Variants in ALDH1A2 observed in about 807,000 individuals in gnomAD.
ALDH1A2 encodes the protein aldehyde dehydrogenase 1 family member A2, also known as retinal dehydrogenase 2.
A neutral mutation model predicts 60.3 loss-of-function variants in ALDH1A2; 27 were observed. The observed-to-expected ratio is 0.45, with a 90% CI of 0.33 to 0.62. ALDH1A2 has a LOEUF of 0.62. ALDH1A2 is among the 20% of genes least tolerant of loss of function. ALDH1A2 has a pLI of 0.02. For synonymous variants in ALDH1A2, 289 were observed against 232.4 expected (o/e 1.24, Z -2.21); for missense variants, 581 against 643.8 (o/e 0.90, Z 1.06).
In ALDH1A2 at chr15:57,992,568, C is replaced by T. The variant is rs762902816; in HGVS notation, c.798+137G>A. The T allele has an allele frequency of 1.1e-5, 9 of 801,472 alleles. No individual in the cohort carries two copies. The East Asian group carries it at 2.1e-4, about 19-fold the overall frequency. The allele number at this position is 801,472 out of a possible 1,614,324, so 49.6% of individuals were successfully genotyped here. On this transcript the variant is annotated intron_variant, in intron 7 of 12. Transcript: ENST00000249750. ...TCACATCCACCAGTGTTCTATGACA[C>T]CAATGTTATCCTTTGTGGGCTTGGG... is the stretch of plus-strand genomic sequence containing the variant.
chr15:58,000,655 T>C lies in ALDH1A2; in HGVS notation c.494-5516A>G, dbSNP rs180929236. On this transcript the variant is annotated intron_variant, in intron 4 of 12. Transcript: ENST00000249750. ...TAAAAAAGTTTACTTGCTTACTGTA[T>C]AGAATCATCTTGAATGCTACCAGTG... is the stretch of plus-strand genomic sequence containing the variant. Among the ~76,000 whole-genome samples the C allele has an allele frequency of 3.0e-3, 460 of 152,122 alleles. 1 individual carries two copies. Among genetic ancestry groups the C allele is most frequent in the Non-Finnish European group, 3.7e-3 (251 of 67,932 alleles).
chr15:58,025,391 T>A (rs564859973), intron 1 of ALDH1A2, among the ~76,000 whole-genome samples: 1 of 151,994 alleles, frequency 6.6e-6, no homozygotes, highest in Non-Finnish European at 1.5e-5. Context: ...GAACTACACA[T>A]TGACAAACTG....
chr15:57,977,015 AATG>A (rs1353445007), intron 7 of ALDH1A2, among the ~76,000 whole-genome samples: 1 of 151,824 alleles, frequency 6.6e-6, no homozygotes, highest in African/African-American at 2.4e-5. Context: ...AGTGACCAGT[AATG>A]ATGAGCTTTT....
intron 1 of ALDH1A2, among the ~76,000 whole-genome samples, chr15:58,033,573 CCAG>C (rs761588722): frequency 1.1e-4 from 16 of 151,740 alleles, no homozygotes; most frequent in Non-Finnish European, 1.2e-4. Flanking sequence ...TCACTCTTCT[CCAG>C]AAGTTTGTCA....
At chr15:58,032,830 G>C (rs1896278440) in intron 1 of ALDH1A2, among the ~76,000 whole-genome samples, 1 of 151,532 alleles carries the variant, frequency 6.6e-6, no homozygotes, top group Admixed American at 6.6e-5. Context: ...GTACCCAACG[G>C]AATATTATTT....
chr15:58,057,783 A>G (rs557723973), intron 1 of ALDH1A2, among the ~76,000 whole-genome samples: 11 of 152,258 alleles, frequency 7.2e-5, no homozygotes, highest in African/African-American at 2.2e-4. Context: ...CCACACCTAT[A>G]TATCTTTCTC....
intron 1 of ALDH1A2, among the ~76,000 whole-genome samples, chr15:58,056,919 T>A (rs1399442943): frequency 6.6e-6 from 1 of 152,082 alleles, no homozygotes; most frequent in Non-Finnish European, 1.5e-5. Flanking sequence ...ATGGGAACTC[T>A]GACACACTGC....
At chr15:57,986,571 C>CAAAAAAA (rs71116542) in intron 7 of ALDH1A2, among the ~76,000 whole-genome samples, 2 of 82,076 alleles carry the variant, frequency 2.4e-5, no homozygotes, top group Non-Finnish European at 4.3e-5. Flanking sequence ...ACAGAAAAGC[C>CAAAAAAA]AAAAAAAAAA....
chr15:58,010,844 A>T, intron 3 of ALDH1A2, 66 bp from the exon 4 acceptor site: 1 of 1,590,216 alleles, frequency 6.3e-7, no homozygotes, highest in Non-Finnish European at 8.6e-7. Context: ...TAATTTCTAG[A>T]GCAGAAGAAA....
chr15:57,987,913 ATG>A (rs1325471784), intron 7 of ALDH1A2, among the ~76,000 whole-genome samples: 1 of 151,636 alleles, frequency 6.6e-6, no homozygotes, highest in Non-Finnish European at 1.5e-5. Context: ...TGAAGACAAA[ATG>A]AAGCCATTTT....
At chr15:58,055,404 G>C (rs1206331490) in intron 1 of ALDH1A2, among the ~76,000 whole-genome samples, 1 of 152,002 alleles carries the variant, frequency 6.6e-6, no homozygotes. Context: ...TACATTGTTA[G>C]ACATTGAGCT....
intron 1 of ALDH1A2, among the ~76,000 whole-genome samples, chr15:58,032,833 TATTA>T (rs1896278736): frequency 6.6e-6 from 1 of 151,790 alleles, no homozygotes; most frequent in Non-Finnish European, 1.5e-5. Context: ...CCCAACGGAA[TATTA>T]TTTAGCCATA....
At chr15:58,042,860 A>C (rs1896552839) in intron 1 of ALDH1A2, among the ~76,000 whole-genome samples, 1 of 151,932 alleles carries the variant, frequency 6.6e-6, no homozygotes, top group Non-Finnish European at 1.5e-5. Context: ...ATAACACTGG[A>C]GTTCTCCTGA....
At chr15:58,052,803 A>C (rs2704218) in intron 1 of ALDH1A2, among the ~76,000 whole-genome samples, 7 of 151,904 alleles carry the variant, frequency 4.6e-5, no homozygotes, top group African/African-American at 1.5e-4. Context: ...TGCAAGGTAC[A>C]CTGAAAGGTT....
chr15:58,060,562 A>G (rs1288606166), intron 1 of ALDH1A2, among the ~76,000 whole-genome samples: 4 of 139,672 alleles, frequency 2.9e-5, no homozygotes, highest in African/African-American at 8.2e-5. Context: ...CATGTAGCTG[A>G]TAAGTACCTT....
intron 1 of ALDH1A2, among the ~76,000 whole-genome samples, chr15:58,044,461 A>G (rs1221014743): frequency 6.6e-6 from 1 of 151,986 alleles, no homozygotes; most frequent in East Asian, 1.9e-4. Context: ...AGCACAAGGA[A>G]TTCTGTTTGA....
At chr15:58,056,552 G>T (rs1896899950) in intron 1 of ALDH1A2, among the ~76,000 whole-genome samples, 1 of 151,850 alleles carries the variant, frequency 6.6e-6, no homozygotes, top group Non-Finnish European at 1.5e-5. Context: ...GGACTCTAAA[G>T]GAAAAATCCT....
chr15:58,024,213 C>A (rs1342455329), intron 1 of ALDH1A2, among the ~76,000 whole-genome samples: 1 of 151,730 alleles, frequency 6.6e-6, no homozygotes, highest in Non-Finnish European at 1.5e-5. Context: ...ATCCAAACTA[C>A]AGTGTAAACA....
chr15:57,985,214 A>C (rs1457114389), intron 7 of ALDH1A2, among the ~76,000 whole-genome samples: 1 of 151,974 alleles, frequency 6.6e-6, no homozygotes, highest in Non-Finnish European at 1.5e-5. Flanking sequence ...GTCCCTTCCC[A>C]ATTCCGTTAT....
Sources: gnomAD v4.1 joint callset for allele counts (sites outside exome capture counted in the v4.1 genomes callset) on GRCh38, gnomAD v4.1.1 for gene constraint, MANE v1.5 for transcripts, NCBI Gene and HGNC (gene_info 2026-07-23, HGNC 2026-07-21) for gene names.